Variants in DCC observed in about 807,000 individuals in gnomAD.
DCC encodes the protein netrin receptor DCC.
Under a neutral mutation model 172.5 loss-of-function variants are expected in DCC, and 58 were observed. That is an observed-to-expected ratio of 0.34 (90% CI 0.27 to 0.42). The LOEUF is 0.42. Among genes scored for constraint, DCC ranks in the 10% least tolerant of loss-of-function variants. The pLI is 1.00. For synonymous variants in DCC, 709 were observed against 644.5 expected (o/e 1.10, Z -1.52); for missense variants, 1,740 against 1,791.0 (o/e 0.97, Z 0.51).
intron 7 of DCC, among the ~76,000 whole-genome samples, chr18:53,080,402 G>C (rs1373302861): frequency 1.3e-5 from 2 of 152,106 alleles, no homozygotes; most frequent in Non-Finnish European, 2.9e-5. Context: ...GCCTGACAAT[G>C]ACAGACTCTC....
intron 3 of DCC, among the ~76,000 whole-genome samples, chr18:52,913,451 G>A (rs148526553): frequency 1.3e-5 from 2 of 151,970 alleles, no homozygotes; most frequent in Non-Finnish European, 2.9e-5. Context: ...TTCTAGTCAT[G>A]TCTATCATTC....
At chr18:52,433,005 G>A (rs1987676014) in intron 1 of DCC, among the ~76,000 whole-genome samples, 2 of 152,112 alleles carry the variant, frequency 1.3e-5, no homozygotes, top group African/African-American at 4.8e-5. Flanking sequence ...AGAATCTGAA[G>A]AGTGTCACAA....
intron 12 of DCC, among the ~76,000 whole-genome samples, chr18:53,220,359 C>G (rs949215715): frequency 1.3e-5 from 2 of 152,092 alleles, no homozygotes; most frequent in African/African-American, 4.8e-5. Context: ...CACCATTCTT[C>G]TAGTCAACGT....
intron 23 of DCC, among the ~76,000 whole-genome samples, chr18:53,454,486 T>C (rs1336005860): frequency 1.3e-5 from 2 of 152,208 alleles, no homozygotes; most frequent in Non-Finnish European, 2.9e-5. Context: ...AGGACAAAAA[T>C]ATATGAAATT....
chr18:53,445,933 G>C (rs1281375721), intron 22 of DCC, among the ~76,000 whole-genome samples: 4 of 150,996 alleles, frequency 2.6e-5, no homozygotes, highest in Non-Finnish European at 4.4e-5. Context: ...ATGATACAAG[G>C]TTTTTTTTCC....
chr18:53,066,022 T>G (rs751647897), intron 6 of DCC, 24 bp from the exon 7 acceptor site: 12 of 1,611,880 alleles, frequency 7.4e-6, no homozygotes, highest in Middle Eastern at 1.7e-4. Context: ...CTAAAATACT[T>G]TACCTGCTTT....
intron 26 of DCC, among the ~76,000 whole-genome samples, chr18:53,497,116 T>C (rs1269487556): frequency 1.3e-5 from 2 of 152,184 alleles, no homozygotes; most frequent in African/African-American, 4.8e-5. Context: ...GTGGCATTTA[T>C]AGACCCTTTA....
At chr18:52,872,420 C>T (rs995206473) in intron 2 of DCC, among the ~76,000 whole-genome samples, 2 of 151,324 alleles carry the variant, frequency 1.3e-5, no homozygotes, top group Non-Finnish European at 2.9e-5. Flanking sequence ...AGCGAAAGCC[C>T]AGCTCCATCA....
intron 5 of DCC, among the ~76,000 whole-genome samples, chr18:52,982,735 T>G (rs1407220866): frequency 1.3e-5 from 2 of 152,158 alleles, no homozygotes; most frequent in East Asian, 3.9e-4. Flanking sequence ...TTCTTATAGA[T>G]TATCCTGTTG....
intron 2 of DCC, among the ~76,000 whole-genome samples, chr18:52,855,763 C>CTT (rs71175526): frequency 0.038 from 4,578 of 121,184 alleles, 200 homozygotes; most frequent in Middle Eastern, 0.06. Context: ...CGTATAAATT[C>CTT]TTTTTTTTTT....
chr18:52,769,894 A>G (rs751580043), intron 2 of DCC, among the ~76,000 whole-genome samples: 11 of 152,210 alleles, frequency 7.2e-5, no homozygotes, highest in Middle Eastern at 3.2e-3. Flanking sequence ...CCAGTTGGCT[A>G]TATTTTCAAA....
chr18:53,313,334 G>A (rs924524223), intron 13 of DCC, among the ~76,000 whole-genome samples: 2 of 151,984 alleles, frequency 1.3e-5, no homozygotes, highest in Non-Finnish European at 2.9e-5. Flanking sequence ...CAACCTCCGC[G>A]TCTCGGGTAC....
At chr18:53,017,857 G>A (rs1426878539) in intron 5 of DCC, among the ~76,000 whole-genome samples, 3 of 152,148 alleles carry the variant, frequency 2.0e-5, no homozygotes, top group Non-Finnish European at 4.4e-5. Flanking sequence ...TGTTTCTAAT[G>A]TAGATTTCGC....
chr18:52,612,420 T>C (rs558971867), intron 1 of DCC, among the ~76,000 whole-genome samples: 1 of 152,250 alleles, frequency 6.6e-6, no homozygotes, highest in East Asian at 1.9e-4. Flanking sequence ...ACAAAATTCA[T>C]TGCTCCCACT....
chr18:52,402,023 C>T (rs1986459480), intron 1 of DCC, among the ~76,000 whole-genome samples: 1 of 151,938 alleles, frequency 6.6e-6, no homozygotes, highest in Admixed American at 6.6e-5. Flanking sequence ...TGACTGTCTT[C>T]AAATCGTTGC....
At chr18:52,468,865 T>A (rs996905749) in intron 1 of DCC, among the ~76,000 whole-genome samples, 1 of 152,178 alleles carries the variant, frequency 6.6e-6, no homozygotes, top group African/African-American at 2.4e-5. Context: ...TGTGTTCTTG[T>A]CTAACTGCTC....
chr18:52,557,367 A>T (rs2032940338), intron 1 of DCC, among the ~76,000 whole-genome samples: 1 of 152,200 alleles, frequency 6.6e-6, no homozygotes, highest in Non-Finnish European at 1.5e-5. Context: ...AGATACATAT[A>T]TTACCTTATT....
intron 1 of DCC, among the ~76,000 whole-genome samples, chr18:52,662,126 T>C (rs924341491): frequency 3.3e-5 from 5 of 152,214 alleles, no homozygotes; most frequent in African/African-American, 1.2e-4. Flanking sequence ...CTGGCGGGCT[T>C]GTTAACATTC....
At chr18:53,524,119 T>G (rs1448077957) in intron 27 of DCC, among the ~76,000 whole-genome samples, 1 of 152,074 alleles carries the variant, frequency 6.6e-6, no homozygotes, top group Non-Finnish European at 1.5e-5. Context: ...TAAAAATTGC[T>G]GAGAATTGAT....
Sources: gnomAD v4.1 joint callset for allele counts (sites outside exome capture counted in the v4.1 genomes callset) on GRCh38, gnomAD v4.1.1 for gene constraint, MANE v1.5 for transcripts, NCBI Gene and HGNC (gene_info 2026-07-23, HGNC 2026-07-21) for gene names.